The following GPC6 variants were observed in gnomAD, a reference collection of about 807,000 sequenced individuals.
GPC6 encodes the protein glypican-6.
Under a neutral mutation model 55.2 loss-of-function variants are expected in GPC6, and 14 were observed. The observed-to-expected ratio is 0.25, with a 90% CI of 0.17 to 0.40. The LOEUF is 0.40. Ranked by LOEUF, GPC6 falls within the 10% of genes least tolerant of loss-of-function variation. The pLI, the probability that GPC6 is intolerant of heterozygous loss-of-function variation, is 1.00. For missense variants in GPC6, 641 were observed against 708.5 expected (o/e 0.90, Z 1.08); for synonymous variants, 278 against 259.6 (o/e 1.07, Z -0.68).
intron 3 of GPC6, among the ~76,000 whole-genome samples, chr13:93,838,723 C>G (rs1315961316): frequency 6.6e-6 from 1 of 151,838 alleles, no homozygotes; most frequent in Non-Finnish European, 1.5e-5. Flanking sequence ...GGTGATGAGA[C>G]CTGAGTCAAA....
At chr13:94,324,232 C>T (rs1359425919) in intron 6 of GPC6, among the ~76,000 whole-genome samples, 1 of 151,402 alleles carries the variant, frequency 6.6e-6, no homozygotes, top group African/African-American at 2.4e-5. Flanking sequence ...GACCCATGGC[C>T]TCTCCAGTGA....
At chr13:93,981,884 T>A (rs575601002) in intron 3 of GPC6, among the ~76,000 whole-genome samples, 1 of 152,298 alleles carries the variant, frequency 6.6e-6, no homozygotes, top group Non-Finnish European at 1.5e-5. Flanking sequence ...TCTTCAACAA[T>A]GTTTTATTTC....
rs548316315 is a variant in GPC6 at position 93,670,763 on chromosome 13, C to T, written c.319+125342C>T. Reference sequence around the variant, plus strand: ...ACAATTCAGTAGCAGAATAGCTCATCGTACAGGTCACCTTTAAAAGGACTA... The same window carrying T: ...ACAATTCAGTAGCAGAATAGCTCATTGTACAGGTCACCTTTAAAAGGACTA... On this transcript the variant is annotated intron_variant, in intron 2 of 8. Transcript: ENST00000377047. Among the ~76,000 whole-genome samples, 5 of 152,316 alleles carry T rather than the reference C, an allele frequency of 3.3e-5. 1 individual carries two copies. Among genetic ancestry groups the T allele is most frequent in the African/African-American group, 9.6e-5 (4 of 41,580 alleles).
chr13:93,735,545 A>G (rs1054174449), intron 2 of GPC6, among the ~76,000 whole-genome samples: 5 of 151,736 alleles, frequency 3.3e-5, no homozygotes, highest in Non-Finnish European at 5.9e-5. Flanking sequence ...GAAGAAGAAG[A>G]TGTCCAAGGA....
intron 7 of GPC6, among the ~76,000 whole-genome samples, chr13:94,386,026 G>A (rs755199442): frequency 2.6e-5 from 4 of 152,196 alleles, no homozygotes. Context: ...ACTCACACCT[G>A]TAATCCCAAC....
At chr13:94,402,029 A>G in intron 8 of GPC6, among the ~76,000 whole-genome samples, 1 of 152,226 alleles carries the variant, frequency 6.6e-6, no homozygotes, top group East Asian at 1.9e-4. Flanking sequence ...ACCATTTTGG[A>G]GTTATGGACC....
In GPC6 at chr13:93,510,973, G is replaced by GTATATATATATGTA. The variant is rs1566396641; in HGVS notation, c.161-34277_161-34276insATATATATATATGT. ...GAAATATATATATATATATATATGT[G>GTATATATATATGTA]TATATATATATGTGTATATATATAT... On this transcript the variant is annotated intron_variant, in intron 1 of 8. Transcript: ENST00000377047. 3.9e-4 allele frequency among the ~76,000 whole-genome samples: 24 copies of GTATATATATATGTA among 60,908 alleles called. 2 individuals carry two copies. Among genetic ancestry groups the GTATATATATATGTA allele is most frequent in the Admixed American group, 8.0e-4 (3 of 3,744 alleles). 40.0% of individuals were successfully genotyped at this position (60,908 alleles called of 152,430 possible). A position where few individuals can be genotyped will look rare whatever the true frequency, so the allele number is the denominator to read the frequency against.
chr13:93,368,272 C>T (rs1881319301), intron 1 of GPC6, among the ~76,000 whole-genome samples: 1 of 149,466 alleles, frequency 6.7e-6, no homozygotes, highest in South Asian at 2.2e-4. Context: ...CCCTTTCCTC[C>T]CTCCCTCCTT....
At chr13:93,847,719 AT>A (rs1036726641) in intron 3 of GPC6, among the ~76,000 whole-genome samples, 19 of 152,124 alleles carry the variant, frequency 1.2e-4, no homozygotes, top group African/African-American at 4.6e-4. Flanking sequence ...ATTCCTATTA[AT>A]TTTTAAGTAT....
At chr13:94,364,351 C>G (rs1879197305) in intron 6 of GPC6, among the ~76,000 whole-genome samples, 1 of 152,062 alleles carries the variant, frequency 6.6e-6, no homozygotes, top group African/African-American at 2.4e-5. Flanking sequence ...GGTTGGTGCC[C>G]CATGGGGTAA....
At position 94,386,749 on chromosome 13, in the gene GPC6, A is replaced by G. The variant is rs1880430069; in HGVS notation, c.1289+4199A>G. Among the ~76,000 whole-genome samples, 3 of 152,214 alleles carry G rather than the reference A, an allele frequency of 2.0e-5. No homozygotes were observed. The South Asian group carries it at 6.2e-4, about 32-fold the overall frequency. On this transcript the variant is annotated intron_variant, in intron 7 of 8. Transcript: ENST00000377047. ...GTGATAGGTCTCCAATAAACCAGACATTTCTTCCTCTCTTTCTGTTTTATC... is the reference window on the plus strand; with the variant it reads ...GTGATAGGTCTCCAATAAACCAGACGTTTCTTCCTCTCTTTCTGTTTTATC...
rs114960442 is a variant in GPC6 at position 94,327,326 on chromosome 13, G to T, written c.1152+21203G>T. Among the ~76,000 whole-genome samples the T allele has an allele frequency of 9.0e-3, 1,365 of 152,218 alleles. 28 individuals are homozygous for T. Among genetic ancestry groups the T allele is most frequent in the African/African-American group, 0.031 (1,285 of 41,512 alleles). ...TTTCGTGGAGATGATTAATTACAGAGCATCTCATTGCAGATGTTTTTCTCT... is the reference window on the plus strand; with the variant it reads ...TTTCGTGGAGATGATTAATTACAGATCATCTCATTGCAGATGTTTTTCTCT... On this transcript the variant is annotated intron_variant, in intron 6 of 8. Coordinates refer to ENST00000377047, the MANE Select transcript of GPC6 (RefSeq NM_005708.5).
At chr13:93,764,910 C>T (rs536924155) in intron 2 of GPC6, among the ~76,000 whole-genome samples, 109 of 152,268 alleles carry the variant, frequency 7.2e-4, no homozygotes, top group Admixed American at 3.9e-3. Flanking sequence ...AGTGATTCTG[C>T]TGCCTCAGCC....
At chr13:93,786,749 T>C (rs537468954) in intron 2 of GPC6, among the ~76,000 whole-genome samples, 2 of 139,976 alleles carry the variant, frequency 1.4e-5, no homozygotes, top group East Asian at 4.0e-4. Flanking sequence ...CTAGAGTATA[T>C]TTGAACAAAA....
At chr13:93,503,243 T>C (rs1463435481) in intron 1 of GPC6, among the ~76,000 whole-genome samples, 1 of 152,178 alleles carries the variant, frequency 6.6e-6, no homozygotes, top group African/African-American at 2.4e-5. Context: ...AAATTACAAC[T>C]ATGACAAATA....
chr13:93,713,258 G>A (rs904896422), intron 2 of GPC6, among the ~76,000 whole-genome samples: 11 of 151,390 alleles, frequency 7.3e-5, no homozygotes, highest in Non-Finnish European at 1.5e-4. Flanking sequence ...GTAAACTCTA[G>A]GAGCTACAGA....
chr13:93,315,373 A>G (rs1178407000), intron 1 of GPC6, among the ~76,000 whole-genome samples: 1 of 151,960 alleles, frequency 6.6e-6, no homozygotes, highest in Non-Finnish European at 1.5e-5. Context: ...AATGAAATAT[A>G]TTCTTGGAAG....
intron 2 of GPC6, among the ~76,000 whole-genome samples, chr13:93,754,592 C>T (rs9524193): frequency 0.21 from 31,745 of 151,804 alleles, 3,706 homozygotes; most frequent in Non-Finnish European, 0.25. Flanking sequence ...ATGCTATTTT[C>T]CCCTACACTT....
intron 1 of GPC6, among the ~76,000 whole-genome samples, chr13:93,394,295 A>G (rs1201242522): frequency 6.6e-6 from 1 of 152,222 alleles, no homozygotes; most frequent in African/African-American, 2.4e-5. Context: ...GAGTTCCTAT[A>G]GAAAGTGGCC....
Sources: gnomAD v4.1 joint callset for allele counts (sites outside exome capture counted in the v4.1 genomes callset) on GRCh38, gnomAD v4.1.1 for gene constraint, MANE v1.5 for transcripts, NCBI Gene and HGNC (gene_info 2026-07-23, HGNC 2026-07-21) for gene names.